Variants in CC2D2A observed in about 807,000 individuals in gnomAD.
The protein encoded by CC2D2A is coiled-coil and C2 domain containing 2A.
A neutral mutation model predicts 212.9 loss-of-function variants in CC2D2A; 155 were observed. The observed-to-expected ratio is 0.73, with a 90% CI of 0.64 to 0.83. The LOEUF (loss-of-function observed/expected upper bound fraction) is 0.83, where lower values mean the gene tolerates loss of function less well. Ranked by LOEUF, CC2D2A falls within the 40% of genes least tolerant of loss-of-function variation. The probability of loss-of-function intolerance (pLI) is 0.00; values close to 1 mark genes in which losing one functional copy is unlikely to be tolerated. For missense variants in CC2D2A, 1,856 were observed against 1,956.2 expected (o/e 0.95, Z 0.97); for synonymous variants, 667 against 686.5 (o/e 0.97, Z 0.44).
chr4:15,505,839 G>A (rs897301834), intron 6 of CC2D2A, among the ~76,000 whole-genome samples: 2 of 152,182 alleles, frequency 1.3e-5, no homozygotes, highest in Non-Finnish European at 2.9e-5. Context: ...ATTAGTATCA[G>A]GACCACTATC....
intron 13 of CC2D2A, among the ~76,000 whole-genome samples, chr4:15,529,529 T>C (rs1422730099): frequency 6.6e-6 from 1 of 152,170 alleles, no homozygotes; most frequent in African/African-American, 2.4e-5. Context: ...AGGAATCATA[T>C]CATGTATACC....
chr4:15,474,469 G>T (rs954038938), intron 1 of CC2D2A, among the ~76,000 whole-genome samples: 1 of 151,910 alleles, frequency 6.6e-6, no homozygotes, highest in African/African-American at 2.4e-5. Context: ...GTCGGGGGAG[G>T]TTGTTTAATG....
chr4:15,515,575 A>C (rs755563838), intron 9 of CC2D2A, among the ~76,000 whole-genome samples: 3 of 152,124 alleles, frequency 2.0e-5, no homozygotes, highest in Non-Finnish European at 4.4e-5. Flanking sequence ...GAGTAATAGA[A>C]CTAAAACTTG....
At chr4:15,566,582 G>T (rs1719889867) in intron 24 of CC2D2A, among the ~76,000 whole-genome samples, 1 of 152,134 alleles carries the variant, frequency 6.6e-6, no homozygotes, top group Non-Finnish European at 1.5e-5. Context: ...GACTCTGTGG[G>T]GACCAGAGCA....
intron 1 of CC2D2A, 157 bp from the exon 2 acceptor site, chr4:15,475,758 C>T (rs1714169400): frequency 8.1e-6 from 5 of 620,034 alleles, no homozygotes; most frequent in South Asian, 5.6e-5. Flanking sequence ...CTTATCTCCA[C>T]CAATCCTGGG....
chr4:15,516,715 G>A lies in CC2D2A; in HGVS notation c.1108G>A (p.Glu370Lys). ...TTCAAGGCCGCCAGTACTAACACAG[G>A]AGCAGAGCATTAAGGCAGAGCTTGA... ...FPSRPPVLTQ[E>K]QSIKAELETL... The change falls in exon 11 of 37, where the codon GAG becomes AAG. Residue 370 changes from glutamate (E) to lysine (K), a missense_variant. Glu to Lys is a moderately conservative substitution (Grantham distance 56). This residue lies in a region of CC2D2A where 1,512 missense variants were observed against 1,579.3 expected (regional missense o/e 0.96). Transcript: ENST00000424120. 1 of 1,613,378 alleles carries A rather than the reference G, an allele frequency of 6.2e-7. No homozygotes were observed.
intron 4 of CC2D2A, among the ~76,000 whole-genome samples, chr4:15,495,560 A>G (rs1715569606): frequency 6.6e-6 from 1 of 152,190 alleles, no homozygotes; most frequent in African/African-American, 2.4e-5. Context: ...AAAGGACATG[A>G]ATTCATTCTT....
intron 5 of CC2D2A, 41 bp downstream of exon 5, chr4:15,502,558 C>A (rs748797062): frequency 6.6e-7 from 1 of 1,512,082 alleles, no homozygotes; most frequent in Non-Finnish European, 9.0e-7. Context: ...GTGCTGATTG[C>A]AATCTTCCAG....
chr4:15,506,098 T>C (rs896966247), intron 6 of CC2D2A, among the ~76,000 whole-genome samples: 6 of 152,240 alleles, frequency 3.9e-5, no homozygotes, highest in African/African-American at 1.4e-4. Context: ...GCACATATGA[T>C]GATAGGCACT....
chr4:15,583,127 T>C (rs998148911), intron 30 of CC2D2A, among the ~76,000 whole-genome samples: 4 of 152,136 alleles, frequency 2.6e-5, no homozygotes, highest in African/African-American at 9.7e-5. Flanking sequence ...AAGAATTCAA[T>C]GGAATTCAAC....
chr4:15,535,373 A>C (rs1210614284), intron 14 of CC2D2A, among the ~76,000 whole-genome samples: 2 of 151,270 alleles, frequency 1.3e-5, no homozygotes, highest in Admixed American at 6.6e-5. Flanking sequence ...CTTCTTTTTG[A>C]GTTTATAGGG....
chr4:15,558,386 T>A (rs561465002), intron 21 of CC2D2A, among the ~76,000 whole-genome samples: 61 of 152,282 alleles, frequency 4.0e-4, no homozygotes, highest in African/African-American at 1.4e-3. Flanking sequence ...GTTTACTGGA[T>A]GATGAAATCT....
rs749164551 is a variant in CC2D2A, at chr4:15,553,248, G to A, written c.2429G>A (p.Gly810Glu). 1.2e-6 allele frequency: 2 copies of A among 1,613,440 alleles called. No homozygotes were observed. Among genetic ancestry groups the A allele is most frequent in the Non-Finnish European group, 1.7e-6 (2 of 1,179,700 alleles). The stretch of plus-strand genomic sequence containing the variant: ...TCTCATAGTGTGGCATGGGCCATTG[G>A]AGAAAACGGGATACCTTTAATTCCT... Reference protein sequence around the residue: ...KVSHSVAWAIGENGIPLIPPL... With the variant: ...KVSHSVAWAIEENGIPLIPPL... The change falls in exon 19 of 37, where the codon GGA (glycine) becomes GAA (glutamate). Residue 810 changes from glycine (G) to glutamate (E), a missense_variant. Coordinates refer to ENST00000424120, the MANE Select transcript of CC2D2A (RefSeq NM_001378615.1).
At chr4:15,476,862 G>T (rs1276067955) in intron 2 of CC2D2A, among the ~76,000 whole-genome samples, 7 of 152,188 alleles carry the variant, frequency 4.6e-5, no homozygotes, top group Admixed American at 2.6e-4. Context: ...ACAAAAGAGA[G>T]AGTATTCCTC....
chr4:15,572,622 A>G (rs912830581), intron 28 of CC2D2A, among the ~76,000 whole-genome samples: 2 of 151,700 alleles, frequency 1.3e-5, no homozygotes, highest in South Asian at 2.1e-4. Context: ...ATAGCAAGCA[A>G]TTATCTGGCC....
At chr4:15,563,262 T>G in intron 23 of CC2D2A, 93 bp from the exon 24 acceptor site, 3 of 1,274,904 alleles carry the variant, frequency 2.4e-6, no homozygotes, top group East Asian at 2.5e-5. Flanking sequence ...CAGGGGCGTG[T>G]GCAGGACCAT....
At chr4:15,506,246 A>T (rs922114506) in intron 6 of CC2D2A, among the ~76,000 whole-genome samples, 3 of 152,324 alleles carry the variant, frequency 2.0e-5, no homozygotes, top group Admixed American at 2.0e-4. Context: ...TATTAATATA[A>T]TTGACTTTAA....
chr4:15,531,433 G>C (rs1717844177), intron 13 of CC2D2A, among the ~76,000 whole-genome samples: 1 of 152,140 alleles, frequency 6.6e-6, no homozygotes. Context: ...CGTGTTCCGA[G>C]TCTCAGGTGT....
At chr4:15,595,949 A>C in intron 33 of CC2D2A, 136 bp from the exon 34 acceptor site, 1 of 520,230 alleles carries the variant, frequency 1.9e-6, no homozygotes, top group South Asian at 6.5e-5. Flanking sequence ...ATAATCAAAA[A>C]ATGACAAAAT....
Sources: allele counts gnomAD v4.1 joint callset (sites outside exome capture counted in the v4.1 genomes callset), GRCh38; gene constraint gnomAD v4.1.1; regional missense constraint gnomAD v4.1.1; transcripts MANE v1.5; gene names NCBI Gene and HGNC (gene_info 2026-07-23, HGNC 2026-07-21).